Variants in CDH8 observed in about 807,000 individuals in gnomAD.
CDH8 encodes the protein cadherin 8.
In CDH8, 17 loss-of-function variants were observed where a neutral mutation model predicts 68.1. The observed-to-expected ratio is 0.25, with a 90% CI of 0.17 to 0.37. The LOEUF (loss-of-function observed/expected upper bound fraction) is 0.37, where lower values mean the gene tolerates loss of function less well. CDH8 is among the 10% of genes least tolerant of loss of function. The probability of loss-of-function intolerance (pLI) is 1.00; values close to 1 mark genes in which losing one functional copy is unlikely to be tolerated. For synonymous variants in CDH8, 372 were observed against 365.1 expected (o/e 1.02, Z -0.21); for missense variants, 763 against 999.3 (o/e 0.76, Z 3.19).
chr16:61,938,662 G>C (rs907577129), intron 2 of CDH8, among the ~76,000 whole-genome samples: 12 of 152,186 alleles, frequency 7.9e-5, no homozygotes, highest in African/African-American at 2.7e-4. Flanking sequence ...GTTAGTCATA[G>C]CTGAGAAAAA....
chr16:62,018,025 AACT>A (rs1901983823), intron 2 of CDH8, among the ~76,000 whole-genome samples: 1 of 152,216 alleles, frequency 6.6e-6, no homozygotes, highest in Non-Finnish European at 1.5e-5. Context: ...ATACAATTAC[AACT>A]ACAATTACTA....
intron 8 of CDH8, among the ~76,000 whole-genome samples, chr16:61,733,080 G>A (rs1186148344): frequency 6.6e-6 from 1 of 151,646 alleles, no homozygotes; most frequent in African/African-American, 2.4e-5. Flanking sequence ...TACAATTTTA[G>A]GGTTTATAAT....
chr16:61,698,364 C>T (rs895599380), intron 10 of CDH8, among the ~76,000 whole-genome samples: 1 of 152,194 alleles, frequency 6.6e-6, no homozygotes, highest in Non-Finnish European at 1.5e-5. Flanking sequence ...ATGGTTTCTT[C>T]GTCTTGTATG....
chr16:61,922,551 ATT>A (rs1964386723), intron 2 of CDH8, among the ~76,000 whole-genome samples: 1 of 152,132 alleles, frequency 6.6e-6, no homozygotes, highest in South Asian at 2.1e-4. Flanking sequence ...TGACATGCCA[ATT>A]TTATGTATAA....
intron 2 of CDH8, among the ~76,000 whole-genome samples, chr16:62,010,028 G>A (rs1003007139): frequency 6.6e-6 from 1 of 152,116 alleles, no homozygotes; most frequent in East Asian, 1.9e-4. Flanking sequence ...TAGCAGCCCT[G>A]CCCGGGCCCA....
intron 10 of CDH8, among the ~76,000 whole-genome samples, chr16:61,707,949 G>A (rs1964564074): frequency 6.6e-6 from 1 of 151,888 alleles, no homozygotes; most frequent in Admixed American, 6.6e-5. Flanking sequence ...ACAACAAAGT[G>A]GTATGGACAA....
intron 8 of CDH8, among the ~76,000 whole-genome samples, chr16:61,768,276 G>A (rs113188223): frequency 1.3e-4 from 19 of 147,620 alleles, no homozygotes; most frequent in African/African-American, 4.8e-4. Context: ...GTTGGTTCCC[G>A]GAAGAGCACT....
At chr16:61,783,049 C>T (rs879157152) in intron 8 of CDH8, among the ~76,000 whole-genome samples, 10 of 148,034 alleles carry the variant, frequency 6.8e-5, no homozygotes, top group East Asian at 3.9e-4. Flanking sequence ...TCCAAAGGAA[C>T]GCAGTTCCTC....
chr16:61,956,177 A>C (rs1454765414), intron 2 of CDH8, among the ~76,000 whole-genome samples: 4 of 152,196 alleles, frequency 2.6e-5, no homozygotes, highest in African/African-American at 9.7e-5. Context: ...AAAAATTTGT[A>C]TACACACACT....
intron 10 of CDH8, among the ~76,000 whole-genome samples, chr16:61,663,814 T>C (rs1963615813): frequency 6.6e-6 from 1 of 152,100 alleles, no homozygotes; most frequent in African/African-American, 2.4e-5. Flanking sequence ...CACATTATTC[T>C]GGAAAAATTA....
intron 9 of CDH8, among the ~76,000 whole-genome samples, chr16:61,715,974 A>G (rs1360034040): frequency 1.8e-4 from 27 of 151,674 alleles, no homozygotes; most frequent in Non-Finnish European, 1.5e-5. Flanking sequence ...GACAGGGAAA[A>G]ACATTGCTTG....
chr16:61,900,039 A>G (rs1447681936), intron 3 of CDH8, among the ~76,000 whole-genome samples: 1 of 152,160 alleles, frequency 6.6e-6, no homozygotes, highest in Admixed American at 6.5e-5. Context: ...ATATGTCTGT[A>G]TACTTCCTCT....
At chr16:62,007,901 T>G (rs1901710772) in intron 2 of CDH8, among the ~76,000 whole-genome samples, 1 of 152,082 alleles carries the variant, frequency 6.6e-6, no homozygotes, top group Non-Finnish European at 1.5e-5. Context: ...ATCTCTTACT[T>G]TCTGTATGTT....
intron 3 of CDH8, among the ~76,000 whole-genome samples, chr16:61,887,234 C>T (rs79914989): frequency 1.3e-5 from 2 of 151,474 alleles, no homozygotes; most frequent in African/African-American, 4.9e-5. Context: ...ATTTAGTAAA[C>T]AGATTGTCCA....
At chr16:61,788,842 C>T (rs1961306616) in intron 8 of CDH8, among the ~76,000 whole-genome samples, 2 of 151,796 alleles carry the variant, frequency 1.3e-5, no homozygotes, top group Non-Finnish European at 1.5e-5. Flanking sequence ...GTGTAAAATA[C>T]ATTAGACTCT....
At chr16:61,862,553 C>T (rs1230665469) in intron 3 of CDH8, among the ~76,000 whole-genome samples, 1 of 152,184 alleles carries the variant, frequency 6.6e-6, no homozygotes, top group Non-Finnish European at 1.5e-5. Flanking sequence ...AAAGGCAGCA[C>T]TACTTTCCGT....
chr16:61,678,424 T>C (rs1963954845), intron 10 of CDH8, among the ~76,000 whole-genome samples: 1 of 152,240 alleles, frequency 6.6e-6, no homozygotes, highest in East Asian at 1.9e-4. Context: ...ATTAACTGTT[T>C]GCTCTACCAC....
At chr16:62,018,485 G>A (rs1381406859) in intron 2 of CDH8, among the ~76,000 whole-genome samples, 3 of 152,254 alleles carry the variant, frequency 2.0e-5, no homozygotes, top group African/African-American at 7.2e-5. Context: ...GTGCACAGAG[G>A]TAAAACACTA....
chr16:61,940,257 T>A (rs1172640891), intron 2 of CDH8: 1 of 152,126 alleles, frequency 6.6e-6, no homozygotes, highest in East Asian at 1.9e-4. Context: ...AATTATACTC[T>A]GCTCCTTGCC....
Sources: allele counts gnomAD v4.1 joint callset (sites outside exome capture counted in the v4.1 genomes callset), GRCh38; gene constraint gnomAD v4.1.1; transcripts MANE v1.5; gene names NCBI Gene and HGNC (gene_info 2026-07-23, HGNC 2026-07-21).